Variants in PRTG observed in about 807,000 individuals in gnomAD.
PRTG encodes protogenin, also known as immunoglobulin superfamily, DCC subclass, member 5.
PRTG carries 67 observed loss-of-function variants against 122.5 expected under a neutral mutation model. That is an observed-to-expected ratio of 0.55 (90% CI 0.45 to 0.67). The LOEUF (loss-of-function observed/expected upper bound fraction) is 0.67. Ranked by LOEUF, PRTG falls within the 30% of genes least tolerant of loss-of-function variation. The pLI, the probability that PRTG is intolerant of heterozygous loss-of-function variation, is 0.00. For missense variants in PRTG, 1,435 were observed against 1,415.4 expected (o/e 1.01, Z -0.22); for synonymous variants, 554 against 501.1 (o/e 1.11, Z -1.41).
At chr15:55,693,369 T>C (rs572328492) in intron 2 of PRTG, among the ~76,000 whole-genome samples, 39 of 150,388 alleles carry the variant, frequency 2.6e-4, no homozygotes, top group South Asian at 4.1e-4. Context: ...GGCAGGAGAA[T>C]TGCTTGAACC....
intron 11 of PRTG, among the ~76,000 whole-genome samples, chr15:55,654,376 T>A (rs1218780171): frequency 6.6e-6 from 1 of 152,196 alleles, no homozygotes; most frequent in Non-Finnish European, 1.5e-5. Context: ...CCTACCCATA[T>A]AACTTAAAAG....
At chr15:55,732,044 G>C (rs1348926796) in intron 2 of PRTG, among the ~76,000 whole-genome samples, 3 of 152,200 alleles carry the variant, frequency 2.0e-5, no homozygotes, top group African/African-American at 4.8e-5. Context: ...TAACACAATG[G>C]GAAGTATTTG....
At chr15:55,693,967 C>T (rs939490891) in intron 2 of PRTG, among the ~76,000 whole-genome samples, 3 of 152,074 alleles carry the variant, frequency 2.0e-5, no homozygotes. Flanking sequence ...CAAAGGTATT[C>T]TAAAATTTAA....
intron 1 of PRTG, among the ~76,000 whole-genome samples, chr15:55,741,084 C>A (rs1383118019): frequency 6.6e-6 from 1 of 152,182 alleles, no homozygotes; most frequent in Admixed American, 6.5e-5. Flanking sequence ...AGCAAAACTC[C>A]AACTCTGTGA....
chr15:55,674,262 T>A (rs2059489905), intron 9 of PRTG, among the ~76,000 whole-genome samples: 5 of 152,250 alleles, frequency 3.3e-5, no homozygotes, highest in African/African-American at 1.2e-4. Context: ...AGCTTCTCTG[T>A]GTCTGAAACC....
chr15:55,623,595 C>T (rs536732887), intron 18 of PRTG, among the ~76,000 whole-genome samples: 58 of 152,174 alleles, frequency 3.8e-4, no homozygotes, highest in African/African-American at 1.3e-3. Flanking sequence ...AGTCTTAGCT[C>T]AGAAGGTAGC....
chr15:55,673,515 G>A lies in PRTG; in HGVS notation c.1708C>T (p.Pro570Ser). ...AAAAGGTACTCATGCGTGGTCCCCG[G>A]GAGCTCCAGAACTTGGATTGAATTC... ...TENSIQVLEL[P>S]GTTHEYLLEG... is the part of the protein sequence containing the mutation. The change falls in exon 10 of 20, where the codon CCG becomes TCG. Residue 570 changes from proline to serine, a missense_variant. Physicochemically the swap from Pro to Ser is moderately conservative, Grantham distance 74 (BLOSUM62 -1). Transcript: ENST00000389286. 2 of 1,614,074 alleles carry A rather than the reference G, an allele frequency of 1.2e-6. No homozygotes were observed. Among genetic ancestry groups the A allele is most frequent in the Non-Finnish European group, 1.7e-6 (2 of 1,180,024 alleles).
chr15:55,629,872 C>T (rs1020917568), intron 15 of PRTG, among the ~76,000 whole-genome samples: 40 of 147,536 alleles, frequency 2.7e-4, no homozygotes, highest in African/African-American at 9.8e-4. Context: ...GGCTGGAGTG[C>T]AGTGGCATGA....
Position 55,641,117 on chromosome 15 carries a change from G to A in PRTG, c.2133C>T (p.Cys711=), listed in dbSNP as rs201795095. 724 of 1,609,106 alleles carry A rather than the reference G, an allele frequency of 4.5e-4. 3 individuals carry two copies. The highest frequency in any genetic ancestry group is 9.2e-4 in the South Asian group (84 of 90,924). ...ACTGCCATGGCTTTCACTTACACAC[G>A]CATCCTGGAGTGCTGACAGTCTGAT... ...QADQTVSTPG[C]VSVRDRMVPP... The change falls in exon 12 of 20, where the codon TGC becomes TGT. Residue 711 remains cysteine (C), a synonymous_variant. Coordinates refer to ENST00000389286, the MANE Select transcript of PRTG (RefSeq NM_173814.6).
chr15:55,736,973 G>A (rs1392562297), intron 2 of PRTG, among the ~76,000 whole-genome samples: 1 of 152,098 alleles, frequency 6.6e-6, no homozygotes, highest in Non-Finnish European at 1.5e-5. Context: ...TTGTTGAAAC[G>A]TGAGACCATT....
At chr15:55,629,046 T>C (rs2059211143) in intron 15 of PRTG, 42 bp from the exon 16 acceptor site, 11 of 1,404,186 alleles carry the variant, frequency 7.8e-6, no homozygotes, top group African/African-American at 4.3e-5. Context: ...CATTTATCTT[T>C]TATTCTTTCA....
chr15:55,642,802 A>T (rs2059299848), intron 11 of PRTG, among the ~76,000 whole-genome samples: 1 of 152,198 alleles, frequency 6.6e-6, no homozygotes, highest in Non-Finnish European at 1.5e-5. Context: ...AAATCTAAAA[A>T]TAGAGGATGG....
chr15:55,740,320 A>G (rs2031567510), intron 2 of PRTG, 62 bp downstream of exon 2: 1 of 1,433,846 alleles, frequency 7.0e-7, no homozygotes, highest in Non-Finnish European at 9.5e-7. Context: ...ATATTAATAA[A>G]GCAAGAAATC....
intron 2 of PRTG, among the ~76,000 whole-genome samples, chr15:55,733,709 T>A (rs1268008878): frequency 6.6e-6 from 1 of 151,478 alleles, no homozygotes; most frequent in African/African-American, 2.4e-5. Flanking sequence ...TGCCTGTAGC[T>A]CCAGCTACTC....
chr15:55,673,041 T>C (rs1052842613), intron 10 of PRTG, among the ~76,000 whole-genome samples: 2 of 149,404 alleles, frequency 1.3e-5, no homozygotes, highest in Admixed American at 6.6e-5. Context: ...GTCCTCCTAC[T>C]GAACTAAGGA....
intron 2 of PRTG, among the ~76,000 whole-genome samples, chr15:55,709,618 G>A (rs1235523279): frequency 6.6e-6 from 1 of 152,004 alleles, no homozygotes; most frequent in Non-Finnish European, 1.5e-5. Context: ...GCCTCAAACT[G>A]TTTGGAAACA....
At position 55,679,909 on chromosome 15, in the gene PRTG, TTTG is replaced by T. The variant is rs1209356323; in HGVS notation, c.973+142_973+144del. On this transcript the variant is annotated intron_variant, in intron 6 of 19. Coordinates refer to ENST00000389286, the MANE Select transcript of PRTG (RefSeq NM_173814.6). ...CTACAGTTATATTTTAACATAAATATTTGTTTTTTCCTGAAATTCATCATTTGA... is the reference window on the plus strand; with the variant it reads ...CTACAGTTATATTTTAACATAAATATTTTTTTCCTGAAATTCATCATTTGA... The T allele has an allele frequency of 3.4e-5, 22 of 644,310 alleles. No individual in the cohort carries two copies. The East Asian group carries it at 5.5e-4, about 16-fold the overall frequency. 39.9% of individuals were successfully genotyped at this position (644,310 alleles called of 1,614,324 possible).
intron 11 of PRTG, among the ~76,000 whole-genome samples, chr15:55,646,374 G>C (rs571983665): frequency 1.5e-4 from 22 of 150,778 alleles, no homozygotes; most frequent in South Asian, 6.3e-4. Context: ...CCAGGATGGA[G>C]TGCAGTGGCA....
At chr15:55,671,528 A>C (rs1310313351) in intron 11 of PRTG, among the ~76,000 whole-genome samples, 1 of 152,006 alleles carries the variant, frequency 6.6e-6, no homozygotes, top group East Asian at 1.9e-4. Flanking sequence ...AGAATCTCGC[A>C]CTGTCGCCCA....
Sources: allele counts gnomAD v4.1 joint callset (sites outside exome capture counted in the v4.1 genomes callset), GRCh38; gene constraint gnomAD v4.1.1; transcripts MANE v1.5; gene names NCBI Gene and HGNC (gene_info 2026-07-23, HGNC 2026-07-21).